The following GDF5 variants were observed in gnomAD, a reference collection of about 807,000 sequenced individuals.
The protein encoded by GDF5 is growth/differentiation factor 5.
A neutral mutation model predicts 34.6 loss-of-function variants in GDF5; 17 were observed. The observed-to-expected ratio is 0.49, with a 90% CI of 0.34 to 0.74. The LOEUF is 0.74. Ranked by LOEUF, GDF5 falls within the 30% of genes least tolerant of loss-of-function variation. The pLI is 0.01. For synonymous variants in GDF5, 332 were observed against 290.7 expected (o/e 1.14, Z -1.44); for missense variants, 616 against 661.2 (o/e 0.93, Z 0.75).
chr20:35,438,188 T>C lies in GDF5; in HGVS notation c.-260A>G. On this transcript the variant is annotated 5_prime_UTR_variant, in exon 1 of 2. Coordinates refer to ENST00000374369, the MANE Select transcript of GDF5 (RefSeq NM_000557.5). ...TCAGCAGCTGAAAATAACTCGTTCT[T>C]GAAAGGAGAAAGCCGACCGCCCCCT... 1 of 552,190 alleles carries C rather than the reference T, an allele frequency of 1.8e-6. No homozygotes were observed. Among genetic ancestry groups the C allele is most frequent in the Non-Finnish European group, 3.3e-6 (1 of 307,452 alleles). The allele number at this position is 552,190 out of a possible 1,614,324, so 34.2% of individuals were successfully genotyped here.
At position 35,438,138 on chromosome 20, in the gene GDF5, G is replaced by A. The variant is rs1439503819; in HGVS notation, c.-210C>T. The A allele has an allele frequency of 8.1e-6, 5 of 614,160 alleles. No homozygotes were observed. Among genetic ancestry groups the A allele is most frequent in the South Asian group, 1.9e-5 (1 of 52,410 alleles). 38.0% of individuals were successfully genotyped at this position (614,160 alleles called of 1,614,324 possible). A position where few individuals can be genotyped will look rare whatever the true frequency, so the allele number is the denominator to read the frequency against. Reference sequence around the variant, plus strand: ...CCAGTCCCATAGTGGAAATGCTCTCGTATCCAGACGTGCACCGTCTCCAGT... The same window carrying A: ...CCAGTCCCATAGTGGAAATGCTCTCATATCCAGACGTGCACCGTCTCCAGT... On this transcript the variant is annotated 5_prime_UTR_variant, in exon 1 of 2. In the 5' UTR this introduces an upstream ATG that the reference lacks. Transcript: ENST00000374369.
At chr20:35,454,331 G>T (rs2062556637) in intron 1 of GDF5, among the ~76,000 whole-genome samples, 1 of 152,064 alleles carries the variant, frequency 6.6e-6, no homozygotes, top group Non-Finnish European at 1.5e-5. Context: ...GCGGGCGCCT[G>T]TAGTCCCAGC....
At chr20:35,448,477 T>C (rs1403170837) in intron 1 of GDF5, among the ~76,000 whole-genome samples, 12 of 92,914 alleles carry the variant, frequency 1.3e-4, no homozygotes, top group African/African-American at 4.9e-4. Flanking sequence ...TTTGTCTCAC[T>C]CTGTCACCCA....
upstream of GDF5, among the ~76,000 whole-genome samples, chr20:35,442,124 A>C (rs1310104954): frequency 6.6e-6 from 1 of 152,066 alleles, no homozygotes; most frequent in African/African-American, 2.4e-5. Context: ...TACAGGTGTG[A>C]ATCACCACAT....
At position 35,437,848 on chromosome 20, in the gene GDF5, A is replaced by T. The variant is rs779102835; in HGVS notation, c.81T>A (p.Gly27=). 6.2e-7 allele frequency: 1 copy of T among 1,613,922 alleles called. No individual in the cohort carries two copies. Among genetic ancestry groups the T allele is most frequent in the East Asian group, 2.2e-5 (1 of 44,888 alleles). ...LDLEFICTVL[G]APDLGQRPQG... ...GGGGTCTCTGGCCCAAGTCAGGGGC[A>T]CCCAACACAGTGCAGATGAATTCCA... The change falls in exon 1 of 2, where the codon GGT becomes GGA. Residue 27 remains glycine (G), a synonymous_variant. Transcript: ENST00000374369.
chr20:35,449,033 G>C lies in GDF5; in HGVS notation c.-398+5607C>G, dbSNP rs2062522731. 2.0e-5 allele frequency among the ~76,000 whole-genome samples: 3 copies of C among 152,332 alleles called. No individual in the cohort carries two copies. In the South Asian group the frequency reaches 6.2e-4, roughly 32 times the overall value. On this transcript the variant is annotated intron_variant, in intron 1 of 3. Transcript: ENST00000374372. ...TTCAACCAGATGGTGGCATCAGCAAGAGGAGTGTCCGGCATTCCTAACACA... is the reference window on the plus strand; with the variant it reads ...TTCAACCAGATGGTGGCATCAGCAACAGGAGTGTCCGGCATTCCTAACACA...
chr20:35,438,358 T>TCACTCACACACA, upstream of GDF5: 1 of 158,868 alleles, frequency 6.3e-6, no homozygotes, highest in Non-Finnish European at 1.3e-5. Context: ...TGAAAATACT[T>TCACTCACACACA]CACACACACA....
intron 1 of GDF5, among the ~76,000 whole-genome samples, chr20:35,443,538 G>C (rs924658876): frequency 2.6e-5 from 4 of 151,900 alleles, no homozygotes; most frequent in African/African-American, 9.7e-5. Context: ...TGGAGACAGA[G>C]TCTAGTTCTG....
At chr20:35,453,829 C>G in intron 1 of GDF5, 1 of 496,092 alleles carries the variant, frequency 2.0e-6, no homozygotes, top group Non-Finnish European at 4.2e-6. Context: ...ACTCATTCAC[C>G]CATTCACTCA....
intron 1 of GDF5, among the ~76,000 whole-genome samples, chr20:35,451,211 T>C (rs2062532522): frequency 6.6e-6 from 1 of 151,550 alleles, no homozygotes; most frequent in Non-Finnish European, 1.5e-5. Context: ...GAGGAATATG[T>C]ATAAATAATG....
chr20:35,450,533 G>T (rs748017309), intron 1 of GDF5, among the ~76,000 whole-genome samples: 3 of 152,056 alleles, frequency 2.0e-5, no homozygotes, highest in Non-Finnish European at 4.4e-5. Context: ...CAGTGTAATA[G>T]CTGGCTTAGT....
chr20:35,433,751 C>T lies in GDF5; in HGVS notation c.*158G>A. ...TTGTGGATAAAAGGGGGCCTTTAGC[C>T]CAAGTCACACTCAGAGAGCGAGCAA... is the stretch of plus-strand genomic sequence containing the variant. On this transcript the variant is annotated 3_prime_UTR_variant, in exon 2 of 2. Transcript: ENST00000374369. 1 of 751,624 alleles carries T rather than the reference C, an allele frequency of 1.3e-6. No individual in the cohort carries two copies. The highest frequency in any genetic ancestry group is 2.4e-6 in the Non-Finnish European group (1 of 421,880). The allele number at this position is 751,624 out of a possible 1,614,324, so 46.6% of individuals were successfully genotyped here.
In GDF5 at chr20:35,433,932, C is replaced by A. The variant is rs922571065; in HGVS notation, c.1483G>T (p.Val495Leu). The A allele has an allele frequency of 1.9e-6, 3 of 1,613,880 alleles. No individual in the cohort carries two copies. The highest frequency in any genetic ancestry group is 2.5e-6 in the Non-Finnish European group (3 of 1,179,896). The change falls in exon 2 of 2, where the codon GTG (valine) becomes TTG (leucine). Residue 495 changes from valine to leucine, a missense_variant. Coordinates refer to ENST00000374369, the MANE Select transcript of GDF5 (RefSeq NM_000557.5). The stretch of plus-strand genomic sequence containing the variant: ...TGCTACCTGCAGCCACACGACTCCA[C>A]GACCATGTCCTCATACTGCTTATAC... ...VVYKQYEDMV[V>L]ESCGCR
At chr20:35,442,341 T>C (rs1353674670), upstream of GDF5, among the ~76,000 whole-genome samples, 2 of 150,802 alleles carry the variant, frequency 1.3e-5, no homozygotes, top group Admixed American at 6.6e-5. Context: ...GAGATGGGGT[T>C]TCACCATGTT....
chr20:35,438,356 C>G (rs1028892139), upstream of GDF5: 2 of 106,240 alleles, frequency 1.9e-5, no homozygotes, highest in Non-Finnish European at 3.6e-5. Flanking sequence ...AGTGAAAATA[C>G]TTCACACACA....
At chr20:35,451,699 AT>A in intron 1 of GDF5, among the ~76,000 whole-genome samples, 1 of 147,240 alleles carries the variant, frequency 6.8e-6, no homozygotes, top group South Asian at 2.1e-4. Flanking sequence ...CTCTCACCTC[AT>A]TTTTTTATTT....
intron 1 of GDF5, among the ~76,000 whole-genome samples, chr20:35,448,448 C>CTTTT (rs34209210): frequency 1.2e-3 from 105 of 86,756 alleles, no homozygotes; most frequent in Admixed American, 1.9e-3. Flanking sequence ...GCCCCCCCGA[C>CTTTT]TTTTTTTTTT....
At chr20:35,443,459 C>T (rs2062504570) in intron 1 of GDF5, among the ~76,000 whole-genome samples, 1 of 152,062 alleles carries the variant, frequency 6.6e-6, no homozygotes, top group Non-Finnish European at 1.5e-5. Context: ...TCCATTGTCT[C>T]ATTGCTGTTC....
upstream of GDF5, among the ~76,000 whole-genome samples, chr20:35,443,016 G>A (rs534017684): frequency 6.4e-4 from 97 of 152,270 alleles, no homozygotes; most frequent in Non-Finnish European, 1.2e-3. Context: ...TTCAGTCAAC[G>A]TCTAACCCAG....
Sources: gnomAD v4.1 joint callset for allele counts (sites outside exome capture counted in the v4.1 genomes callset) on GRCh38, gnomAD v4.1.1 for gene constraint, MANE v1.5 for transcripts, NCBI Gene and HGNC (gene_info 2026-07-23, HGNC 2026-07-21) for gene names.